Variants in ARHGEF10 observed in about 807,000 individuals in gnomAD.
The protein encoded by ARHGEF10 is Rho guanine nucleotide exchange factor 10.
In ARHGEF10, 140 loss-of-function variants were observed where a neutral mutation model predicts 147.4. The ratio of observed to expected loss-of-function variants is 0.95; its 90% CI spans 0.83 to 1.09. The LOEUF (loss-of-function observed/expected upper bound fraction) is 1.09, where lower values mean the gene tolerates loss of function less well. Among genes scored for constraint, ARHGEF10 ranks in the 50% least tolerant of loss-of-function variants. ARHGEF10 has a pLI of 0.00. For missense variants in ARHGEF10, 2,222 were observed against 1,752.7 expected, an observed-to-expected ratio of 1.27 and a Z score of -4.78; for synonymous variants, 902 against 695.8, an observed-to-expected ratio of 1.30 and a Z score of -4.67.
rs987084601 is a variant in ARHGEF10 at position 1,948,164 on chromosome 8, A to G, written c.3397+2509A>G. Among the ~76,000 whole-genome samples, 7 of 152,048 alleles carry G rather than the reference A, an allele frequency of 4.6e-5. No individual in the cohort carries two copies. Among genetic ancestry groups the G allele is most frequent in the Admixed American group, 4.6e-4 (7 of 15,276 alleles). On this transcript the variant is annotated intron_variant, in intron 27 of 28. Transcript: ENST00000349830. This position sits in a 1 kb window ranked among gnomAD's most constrained non-coding sequence, Gnocchi z 4.9. ...AAGCCTCTCACTTGGCAGCAGATGC[A>G]TGGGGCTCTGCAGAGCCACCATCCC...
intron 7 of ARHGEF10, 164 bp from the exon 8 acceptor site, chr8:1,876,407 G>A (rs569931892): frequency 1.7e-5 from 12 of 725,612 alleles, no homozygotes; most frequent in Admixed American, 6.4e-5. Context: ...GGCGCTGCAC[G>A]GTGCCTTCCA....
intron 14 of ARHGEF10, among the ~76,000 whole-genome samples, chr8:1,897,675 T>C (rs768295012): frequency 2.0e-5 from 3 of 152,178 alleles, no homozygotes; most frequent in Non-Finnish European, 4.4e-5. Context: ...GTCCTTTGGC[T>C]AGGGAACCAT....
intron 7 of ARHGEF10, chr8:1,876,214 T>G: frequency 3.1e-6 from 1 of 321,446 alleles, no homozygotes; most frequent in Non-Finnish European, 5.9e-6. Context: ...AAACATCCTG[T>G]AAGTTTATAT....
intron 1 of ARHGEF10, among the ~76,000 whole-genome samples, chr8:1,837,907 G>A (rs1465629929): frequency 2.0e-5 from 3 of 152,208 alleles, no homozygotes; most frequent in Non-Finnish European, 2.9e-5. Flanking sequence ...ACTCGGGGTC[G>A]TGGGGACACT....
At chr8:1,914,567 A>G (rs1434253895) in intron 18 of ARHGEF10, among the ~76,000 whole-genome samples, 1 of 152,204 alleles carries the variant, frequency 6.6e-6, no homozygotes, top group African/African-American at 2.4e-5. Context: ...TTCGTTTTGA[A>G]GGTGAGAGGA....
chr8:1,952,665 C>T (rs1401341245), intron 27 of ARHGEF10, 40 bp from the exon 28 acceptor site: 1 of 1,611,796 alleles, frequency 6.2e-7, no homozygotes, highest in African/African-American at 1.3e-5. Flanking sequence ...AACTCTGCTA[C>T]ACAAACCAGA....
At chr8:1,888,376 GAGGTGATAGTTTTGAGGAGAC>G (rs1222084402) in intron 11 of ARHGEF10, among the ~76,000 whole-genome samples, 9 of 130,996 alleles carry the variant, frequency 6.9e-5, no homozygotes, top group African/African-American at 2.2e-4. Context: ...AGGAGATACT[GAGGTGATAGTTTTGAGGAGAC>G]AGTGGGGTGA....
At chr8:1,842,407 C>T (rs1804163999) in intron 1 of ARHGEF10, among the ~76,000 whole-genome samples, 1 of 150,964 alleles carries the variant, frequency 6.6e-6, no homozygotes, top group Non-Finnish European at 1.5e-5. Context: ...GAGCCTGGAG[C>T]TCTTGGCAGC....
intron 13 of ARHGEF10, 141 bp downstream of exon 13, chr8:1,894,713 C>G (rs1017379914): frequency 2.2e-5 from 21 of 949,450 alleles, no homozygotes; most frequent in Non-Finnish European, 3.3e-5. Context: ...GCTGAAGTTG[C>G]AATGCCCTGG....
rs1811715567 is a variant in ARHGEF10 at position 1,915,770 on chromosome 8, G to C, written c.2143+6300G>C. ...GCTCAACAGGAGGCAGGGAGAAGTG[G>C]TTCCATGCAAAGAGGGATACCCATA... is the stretch of plus-strand genomic sequence containing the variant. On this transcript the variant is annotated intron_variant, in intron 18 of 28. Coordinates refer to ENST00000349830, the MANE Select transcript of ARHGEF10 (RefSeq NM_014629.4). Among the ~76,000 whole-genome samples the C allele has an allele frequency of 2.6e-5, 4 of 152,238 alleles. No homozygotes were observed. In the South Asian group the frequency reaches 8.3e-4, roughly 32 times the overall value.
chr8:1,852,837 A>T (rs1805250296), intron 2 of ARHGEF10, among the ~76,000 whole-genome samples: 1 of 152,232 alleles, frequency 6.6e-6, no homozygotes, highest in African/African-American at 2.4e-5. Flanking sequence ...TGTGACGGAA[A>T]CAGTCTGAAT....
In ARHGEF10 at chr8:1,898,415, C is replaced by T. The variant is rs370904730; in HGVS notation, c.1558-18C>T. On this transcript the variant is annotated intron_variant, in intron 14 of 28. Coordinates refer to ENST00000349830, the MANE Select transcript of ARHGEF10 (RefSeq NM_014629.4). ...TGGCAGCCCTGCAGGGAGGTGACCCCGGTGCCTTCCCCCACAGCAGGAACA... is the reference window on the plus strand; with the variant it reads ...TGGCAGCCCTGCAGGGAGGTGACCCTGGTGCCTTCCCCCACAGCAGGAACA... 4.3e-6 allele frequency: 7 copies of T among 1,612,764 alleles called. No individual in the cohort carries two copies. Among genetic ancestry groups the T allele is most frequent in the Non-Finnish European group, 5.1e-6 (6 of 1,179,042 alleles).
intron 10 of ARHGEF10, 95 bp from the exon 11 acceptor site, chr8:1,885,506 C>T: frequency 1.1e-6 from 1 of 893,764 alleles, no homozygotes; most frequent in South Asian, 1.4e-5. Context: ...GAAAGGTCTA[C>T]ACAAAATATT....
chr8:1,885,235 T>A (rs1330650256), intron 10 of ARHGEF10, among the ~76,000 whole-genome samples: 1 of 152,246 alleles, frequency 6.6e-6, no homozygotes, highest in Admixed American at 6.5e-5. Context: ...TGTGTTTCCT[T>A]GTTTCTGATT....
rs1194867134 is a variant in ARHGEF10 at position 1,893,569 on chromosome 8, G to T, written c.1183G>T (p.Val395Phe). 1 of 1,611,358 alleles carries T rather than the reference G, an allele frequency of 6.2e-7. No individual in the cohort carries two copies. The change falls in exon 12 of 29, where the codon GTT (valine) becomes TTT (phenylalanine). Residue 395 changes from valine to phenylalanine, a missense_variant and splice_region_variant. Val to Phe is a conservative substitution (Grantham distance 50). Transcript: ENST00000349830. ...PMPEGLSQQQ[V>F]VRRYILGSVV... ...CATTGTACTTCCAAATTTCCAACAG[G>T]TTGTAAGAAGATATATACTGGGTTC...
chr8:1,916,470 TA>T (rs1811768217), intron 18 of ARHGEF10, among the ~76,000 whole-genome samples: 1 of 152,222 alleles, frequency 6.6e-6, no homozygotes, highest in African/African-American at 2.4e-5. Context: ...TGGGTTTTGT[TA>T]AAAACCAAAC....
At chr8:1,929,190 G>A (rs935787030) in intron 24 of ARHGEF10, 96 bp from the exon 25 acceptor site, 3 of 1,363,112 alleles carry the variant, frequency 2.2e-6, no homozygotes, top group Non-Finnish European at 3.1e-6. Context: ...AAGGGCAAGA[G>A]GGAAGAGTTG....
rs754808334 is a variant in ARHGEF10 at position 1,859,877 on chromosome 8, A to G, written c.194-20A>G. 1.9e-6 allele frequency: 3 copies of G among 1,613,816 alleles called. No homozygotes were observed. In the South Asian group the frequency reaches 3.3e-5, roughly 18 times the overall value. On this transcript the variant is annotated intron_variant, in intron 3 of 28. Coordinates refer to ENST00000349830, the MANE Select transcript of ARHGEF10 (RefSeq NM_014629.4). ...GCCCTTGGTGATGTGTCTGCTGACA[A>G]GTCCTTTCTGCATCCCCAGGAGGTG...
intron 27 of ARHGEF10, chr8:1,945,924 T>TGCTGGGAGGA: frequency 2.5e-5 from 1 of 39,488 alleles, no homozygotes; most frequent in Non-Finnish European, 5.4e-5. Context: ...CGCGTGGCAG[T>TGCTGGGAGGA]GCCATCTCTG....
Sources: gnomAD v4.1 joint callset for allele counts (sites outside exome capture counted in the v4.1 genomes callset) on GRCh38, gnomAD v4.1.1 for gene constraint, Gnocchi (gnomAD v3.1) non-coding constraint, MANE v1.5 for transcripts, NCBI Gene and HGNC (gene_info 2026-07-23, HGNC 2026-07-21) for gene names.